TNRC18: variants seen among roughly 807,000 people sequenced by gnomAD.
TNRC18 encodes trinucleotide repeat-containing gene 18 protein.
TNRC18 carries 69 observed loss-of-function variants against 226.7 expected under a neutral mutation model. The ratio of observed to expected loss-of-function variants is 0.30; its 90% CI spans 0.25 to 0.37. The LOEUF (loss-of-function observed/expected upper bound fraction) is 0.37. Among genes scored for constraint, TNRC18 ranks in the 10% least tolerant of loss-of-function variants. TNRC18 has a pLI of 1.00. For synonymous variants in TNRC18, 2,449 were observed against 1,927.6 expected (o/e 1.27, Z -7.09); for missense variants, 4,754 against 4,256.6 (o/e 1.12, Z -3.25).
chr7:5,391,813 ATAGTG>A (rs1353732283), intron 3 of TNRC18, among the ~76,000 whole-genome samples: 1 of 145,050 alleles, frequency 6.9e-6, no homozygotes, highest in African/African-American at 2.6e-5. Context: ...CCTGGGAAAC[ATAGTG>A]TGACCCCATC....
At chr7:5,397,383 C>T (rs1246209268) in intron 2 of TNRC18, among the ~76,000 whole-genome samples, 1 of 152,212 alleles carries the variant, frequency 6.6e-6, no homozygotes, top group South Asian at 2.1e-4. Flanking sequence ...GCTTGTGAAA[C>T]CCGCCCAGCA....
chr7:5,359,485 T>A lies in TNRC18; in HGVS notation c.4746A>T (p.Glu1582Asp), dbSNP rs775091774. The A allele has an allele frequency of 6.2e-7, 1 of 1,613,998 alleles. No individual in the cohort carries two copies. Among genetic ancestry groups the A allele is most frequent in the East Asian group, 2.2e-5 (1 of 44,888 alleles). The change falls in exon 15 of 30, where the codon GAA (glutamate) becomes GAT (aspartate). Residue 1582 changes from glutamate to aspartate, a missense_variant. Glu to Asp is a conservative substitution (Grantham distance 45, BLOSUM62 2). Transcript: ENST00000430969. ...TCCCCATTCCGATGAGGGCATCATG[T>A]TCCTCCTCAGACCCCTTGTGTCTCT... ...IRKRHKGSEE[E>D]HDALIGMGKA...
In TNRC18 at chr7:5,370,469, C is replaced by G. The variant is rs762431379; in HGVS notation, c.4125G>C (p.Glu1375Asp). The G allele has an allele frequency of 6.3e-7, 1 of 1,579,418 alleles. No individual in the cohort carries two copies. Among genetic ancestry groups the G allele is most frequent in the Non-Finnish European group, 8.6e-7 (1 of 1,162,496 alleles). The change falls in exon 11 of 30, where the codon GAG (glutamate) becomes GAC (aspartate). Residue 1375 changes from glutamate to aspartate, a missense_variant. By Grantham distance (45) the Glu-to-Asp change is conservative. Transcript: ENST00000430969. The stretch of plus-strand genomic sequence containing the variant: ...GGAAGCTCTGCTCCAAGACAAGGCT[C>G]TCGGCTGCTTCCAGCTTCTCCAAGG... Reference protein sequence around the residue: ...AQALEKLEAAESLVLEQSFLH... With the variant: ...AQALEKLEAADSLVLEQSFLH...
chr7:5,349,951 T>G (rs1315644085), intron 17 of TNRC18, among the ~76,000 whole-genome samples: 1 of 146,004 alleles, frequency 6.8e-6, no homozygotes, highest in African/African-American at 2.5e-5. Context: ...CGCACTCCCC[T>G]ATCTGGGTCC....
intron 14 of TNRC18, among the ~76,000 whole-genome samples, chr7:5,360,018 C>G (rs1308653551): frequency 6.6e-6 from 1 of 152,012 alleles, no homozygotes; most frequent in Non-Finnish European, 1.5e-5. Context: ...GAGCCACTTG[C>G]TGGTCTCTGG....
chr7:5,371,274 G>A lies in TNRC18; in HGVS notation c.3320C>T (p.Ala1107Val), dbSNP rs765190370. ...CGGCACATCAGGGGCCAAGCCGTCC[G>A]CGTCGGCGGCGGCCGTGGGCTGCAG... ...FLLQPTAAADADGLAPDVPLP... is the reference protein window; with the variant it reads ...FLLQPTAAADVDGLAPDVPLP... Residue 1107 changes from alanine to valine, a missense_variant, in exon 11 of 30, where the codon GCG (alanine) becomes GTG (valine). Ala to Val is a moderately conservative substitution (Grantham distance 64). Transcript: ENST00000430969. 1.3e-5 allele frequency: 20 copies of A among 1,587,086 alleles called. No individual in the cohort carries two copies. Among genetic ancestry groups the A allele is most frequent in the South Asian group, 3.4e-5 (3 of 89,108 alleles).
chr7:5,408,531 G>A (rs531323301), intron 2 of TNRC18, among the ~76,000 whole-genome samples: 31 of 151,558 alleles, frequency 2.0e-4, no homozygotes, highest in Middle Eastern at 3.5e-3. Context: ...GCAGCTACTC[G>A]GGAGGCTGAG....
chr7:5,393,469 T>G (rs1408994565), intron 3 of TNRC18, among the ~76,000 whole-genome samples: 4 of 152,114 alleles, frequency 2.6e-5, no homozygotes. Flanking sequence ...AGCCGCAGGA[T>G]TCGGGATGAC....
At chr7:5,373,187 A>G (rs1425733983) in intron 10 of TNRC18, among the ~76,000 whole-genome samples, 1 of 152,144 alleles carries the variant, frequency 6.6e-6, no homozygotes, top group Non-Finnish European at 1.5e-5. Flanking sequence ...AGCCAAGTCC[A>G]GTGATGCGTG....
intron 15 of TNRC18, among the ~76,000 whole-genome samples, chr7:5,358,120 T>G (rs1265703616): frequency 6.6e-6 from 1 of 152,110 alleles, no homozygotes; most frequent in Non-Finnish European, 1.5e-5. Flanking sequence ...GCTGACAAAG[T>G]ACTAGTGCAC....
intron 11 of TNRC18, among the ~76,000 whole-genome samples, chr7:5,368,914 C>T (rs992684302): frequency 6.6e-6 from 1 of 152,100 alleles, no homozygotes; most frequent in East Asian, 1.9e-4. Flanking sequence ...ATTCAGTGCC[C>T]TTTCTGCTGA....
intron 11 of TNRC18, among the ~76,000 whole-genome samples, chr7:5,368,479 A>AT (rs1793842956): frequency 6.6e-6 from 1 of 152,042 alleles, no homozygotes; most frequent in South Asian, 2.1e-4. Context: ...CCTGGCCAAC[A>AT]TGGTGAAACC....
chr7:5,373,916 G>C (rs1794386602), intron 10 of TNRC18, 139 bp downstream of exon 10: 10 of 610,036 alleles, frequency 1.6e-5, no homozygotes, highest in African/African-American at 3.9e-5. Context: ...CTCAGTGTCT[G>C]GCGGCAGGCC....
rs199794938 is a variant in TNRC18, at chr7:5,339,229, CT to C, written c.5720-6181del. ...GTGTTTTTTTTGTTTCTTTTTTTTTCTTTTTTTTTTTGTGTTTTTTTGTTTT... is the reference window on the plus strand; with the variant it reads ...GTGTTTTTTTTGTTTCTTTTTTTTTCTTTTTTTTTTGTGTTTTTTTGTTTT... On this transcript the variant is annotated intron_variant, in intron 18 of 29. Coordinates refer to ENST00000430969, the MANE Select transcript of TNRC18 (RefSeq NM_001080495.3). Among the ~76,000 whole-genome samples the C allele has an allele frequency of 7.6e-4, 109 of 142,550 alleles. 1 individual carries two copies. The highest frequency in any genetic ancestry group is 3.6e-3 in the Middle Eastern group (1 of 280). The allele number at this position is 142,550 out of a possible 152,430, so 93.5% of individuals were successfully genotyped here.
rs756348205 is a variant in TNRC18 at position 5,362,666 on chromosome 7, C to T, written c.4379G>A (p.Arg1460His). The change falls in exon 12 of 30, where the codon CGC (arginine) becomes CAC (histidine). Residue 1460 changes from arginine to histidine, a missense_variant. By Grantham distance (29) the Arg-to-His change is conservative. Transcript: ENST00000430969. ...GCCGCTCACCCGCTCCTCCTTCTTG[C>T]GCATCCAGCTGTACTTCTTGTTGGG... is the stretch of plus-strand genomic sequence containing the variant. ...LKPNKKYSWM[R>H]KKEERMYAMK... is the part of the protein sequence containing the mutation. 1.1e-5 allele frequency: 18 copies of T among 1,578,302 alleles called. No individual in the cohort carries two copies. Among genetic ancestry groups the T allele is most frequent in the South Asian group, 9.3e-5 (8 of 86,142 alleles).
At chr7:5,347,962 T>C (rs1245020095) in intron 17 of TNRC18, among the ~76,000 whole-genome samples, 2 of 152,142 alleles carry the variant, frequency 1.3e-5, no homozygotes, top group African/African-American at 2.4e-5. Flanking sequence ...CAAAAAATAA[T>C]AATAAGTAAT....
chr7:5,396,706 C>T (rs182714847), intron 2 of TNRC18, among the ~76,000 whole-genome samples: 9 of 152,222 alleles, frequency 5.9e-5, no homozygotes, highest in African/African-American at 2.2e-4. Context: ...TCCGTGTGTA[C>T]CCTAGAGCTA....
At chr7:5,387,589 G>C in intron 5 of TNRC18, 83 bp downstream of exon 5, 3 of 1,540,976 alleles carry the variant, frequency 1.9e-6, no homozygotes, top group Non-Finnish European at 2.6e-6. Flanking sequence ...AATAGCAAAG[G>C]GAAAGGGCCC....
chr7:5,405,257 G>A (rs1326805925), intron 2 of TNRC18, among the ~76,000 whole-genome samples: 3 of 152,032 alleles, frequency 2.0e-5, no homozygotes, highest in Non-Finnish European at 4.4e-5. Context: ...GCAAAACCCT[G>A]TCTCTACTAA....
Sources: gnomAD v4.1 joint callset for allele counts (sites outside exome capture counted in the v4.1 genomes callset) on GRCh38, gnomAD v4.1.1 for gene constraint, MANE v1.5 for transcripts, NCBI Gene and HGNC (gene_info 2026-07-23, HGNC 2026-07-21) for gene names.